CES5A: variants seen among roughly 807,000 people sequenced by gnomAD.
The protein encoded by CES5A is carboxylesterase 5A, also known as carboxylesterase 5.
CES5A carries 67 observed loss-of-function variants against 62.9 expected under a neutral mutation model. The ratio of observed to expected loss-of-function variants is 1.07; its 90% confidence interval spans 0.88 to 1.31. CES5A has a LOEUF of 1.31. CES5A is among the 50% of genes most tolerant of loss of function. The pLI, the probability that CES5A is intolerant of heterozygous loss-of-function variation, is 0.00. For synonymous variants in CES5A, 296 were observed against 280.8 expected, an observed-to-expected ratio of 1.05 and a Z score of -0.54; for missense variants, 748 against 708.5, an observed-to-expected ratio of 1.06 and a Z score of -0.63.
At chr16:55,888,540 T>C (rs2033840249) in intron 1 of CES5A, among the ~76,000 whole-genome samples, 1 of 152,220 alleles carries the variant, frequency 6.6e-6, no homozygotes, top group South Asian at 2.1e-4. Context: ...TCACTTTTCA[T>C]CCACTACCCT....
chr16:55,919,827 C>T (rs2034184114), intron 1 of CES5A, among the ~76,000 whole-genome samples: 1 of 152,200 alleles, frequency 6.6e-6, no homozygotes, highest in African/African-American at 2.4e-5. Context: ...CATTTGAGCT[C>T]CTTCTTTTTG....
At chr16:55,889,153 A>AT (rs2033847705) in intron 1 of CES5A, among the ~76,000 whole-genome samples, 1 of 151,748 alleles carries the variant, frequency 6.6e-6, no homozygotes, top group Non-Finnish European at 1.5e-5. Context: ...AAAAAAAGGT[A>AT]TTTTTTCCTC....
chr16:55,866,040 T>C lies in CES5A; in HGVS notation c.628A>G (p.Ile210Val), dbSNP rs545795532. 90 of 1,613,972 alleles carry C rather than the reference T, an allele frequency of 5.6e-5. No homozygotes were observed. The highest frequency in any genetic ancestry group is 6.8e-5 in the Non-Finnish European group (80 of 1,179,860). Residue 210 changes from isoleucine to valine, a missense_variant, in exon 5 of 13, where the codon ATC becomes GTC. Physicochemically the swap from Ile to Val is conservative, Grantham distance 29. Transcript: ENST00000290567. ...CTGGGGTCCCCACCGAAGAACTCGA[T>C]GTTCTTCTGGACCCAGGACAGAGCA... ...VAALSWVQKN[I>V]EFFGGDPSSV...
At position 55,866,696 on chromosome 16, in the gene CES5A, G is replaced by C. The variant is rs189442163; in HGVS notation, c.552-580C>G. Among the ~76,000 whole-genome samples the C allele has an allele frequency of 2.0e-3, 253 of 126,546 alleles. 1 individual carries two copies. The highest frequency in any genetic ancestry group is 6.3e-3 in the African/African-American group (243 of 38,470). 83.0% of individuals were successfully genotyped at this position (126,546 alleles called of 152,430 possible). A position where few individuals can be genotyped will look rare whatever the true frequency, so the allele number is the denominator to read the frequency against. On this transcript the variant is annotated intron_variant, in intron 4 of 12. Transcript: ENST00000290567. ...AAAAAAAATACAAAAAAATTAGCTG[G>C]ACACGGTGGCAGGCGCCTGTAGTCC... is the stretch of plus-strand genomic sequence containing the variant.
chr16:55,875,223 T>C lies in CES5A; in HGVS notation c.-2A>G. ...TGGGTGCACCCAATTCCCACTCATTTGGCTGCCTGCCTGCACTCTGTGAAC... is the reference window on the plus strand; with the variant it reads ...TGGGTGCACCCAATTCCCACTCATTCGGCTGCCTGCCTGCACTCTGTGAAC... On this transcript the variant is annotated 5_prime_UTR_variant, in exon 1 of 13. Transcript: ENST00000290567. The C allele has an allele frequency of 6.2e-7, 1 of 1,613,648 alleles. No individual in the cohort carries two copies. Among genetic ancestry groups the C allele is most frequent in the Non-Finnish European group, 8.5e-7 (1 of 1,179,800 alleles).
At chr16:55,884,640 G>A (rs2033796384) in intron 1 of CES5A, among the ~76,000 whole-genome samples, 1 of 151,980 alleles carries the variant, frequency 6.6e-6, no homozygotes, top group African/African-American at 2.4e-5. Flanking sequence ...TGCCCAGACT[G>A]GAGTGCAATA....
In CES5A at chr16:55,871,697, G is replaced by A. The variant is rs766399736; in HGVS notation, c.345C>T (p.Phe115=). Residue 115 remains phenylalanine, a synonymous_variant, in exon 3 of 13, where the codon TTC becomes TTT. Transcript: ENST00000290567. ...GGTAGAGGCAGTCTTCTGACACTCC[G>A]AATTTCGGGTAATGCACCTTGAGCA... ...QHMLKVHYPK[F]GVSEDCLYLN... 5.6e-6 allele frequency: 9 copies of A among 1,614,078 alleles called. No individual in the cohort carries two copies. Among genetic ancestry groups the A allele is most frequent in the Middle Eastern group, 1.6e-4 (1 of 6,062 alleles).
chr16:55,949,936 T>G, intron 1 of CES5A: 1 of 978,116 alleles, frequency 1.0e-6, no homozygotes, highest in East Asian at 2.7e-5. Flanking sequence ...ATAATAAACA[T>G]TGATGATAAC....
Position 55,859,571 on chromosome 16 carries a change from G to A in CES5A, c.1032C>T (p.His344=), listed in dbSNP as rs11860946. ...CCATAGGCAGCAGGAAGCCACACTCGTGGTTATTGACTCCGATGATGGAAG... is the reference window on the plus strand; with the variant it reads ...CCATAGGCAGCAGGAAGCCACACTCATGGTTATTGACTCCGATGATGGAAG... The part of the protein sequence containing the change: ...AIPSIIGVNN[H]ECGFLLPMKE... The change falls in exon 8 of 13, where the codon CAC becomes CAT. Residue 344 remains histidine, a synonymous_variant. Coordinates refer to ENST00000290567, the MANE Select transcript of CES5A (RefSeq NM_001143685.2). 4.0e-3 allele frequency: 6,525 copies of A among 1,613,296 alleles called. 206 individuals are homozygous for A. In the African/African-American group the frequency reaches 0.068, roughly 17 times the overall value.
intron 1 of CES5A, among the ~76,000 whole-genome samples, chr16:55,897,076 A>C (rs1297351729): frequency 2.7e-5 from 4 of 146,872 alleles, no homozygotes; most frequent in African/African-American, 1.0e-4. Context: ...CCCATCCTCT[A>C]CCTCAGGGCC....
upstream of CES5A, among the ~76,000 whole-genome samples, chr16:55,926,705 T>A (rs933085479): frequency 2.0e-5 from 3 of 152,222 alleles, no homozygotes; most frequent in Admixed American, 6.5e-5. Context: ...GTGAAGCTTT[T>A]CTGAGCATTT....
At chr16:55,924,732 AATG>A (rs1166553809) in intron 1 of CES5A, among the ~76,000 whole-genome samples, 2 of 152,026 alleles carry the variant, frequency 1.3e-5, no homozygotes, top group African/African-American at 4.8e-5. Context: ...CACATAGACC[AATG>A]AAACAGAGTA....
intron 2 of CES5A, among the ~76,000 whole-genome samples, chr16:55,947,053 G>A (rs900978010): frequency 1.3e-5 from 2 of 152,200 alleles, no homozygotes; most frequent in Admixed American, 6.5e-5. Context: ...GGCATGGGAA[G>A]GTTAAAATGG....
chr16:55,858,595 C>T (rs1221947817), intron 8 of CES5A, among the ~76,000 whole-genome samples: 2 of 152,216 alleles, frequency 1.3e-5, no homozygotes, highest in Non-Finnish European at 2.9e-5. Flanking sequence ...TTAATAATGG[C>T]AGAACATGCT....
chr16:55,872,632 T>G (rs1241777443), intron 2 of CES5A, among the ~76,000 whole-genome samples: 1 of 152,228 alleles, frequency 6.6e-6, no homozygotes, highest in African/African-American at 2.4e-5. Context: ...AATAGAATAG[T>G]GTGCAATATT....
Position 55,949,175 on chromosome 16 carries a change from C to T in CES5A, c.160+610G>A, listed in dbSNP as rs574159411. Among the ~76,000 whole-genome samples the T allele has an allele frequency of 2.6e-5, 4 of 152,288 alleles. No homozygotes were observed. In the South Asian group the frequency reaches 8.3e-4, roughly 32 times the overall value. On this transcript the variant is annotated intron_variant, in intron 2 of 13. Coordinates refer to the CES5A transcript ENST00000521992. The stretch of plus-strand genomic sequence containing the variant: ...AGACCCTGAGATGAAGTTTAGCAGG[C>T]ATGAGGTTTATTAGGGTGTTGATCT...
At chr16:55,854,693 G>A (rs1805690046) in intron 9 of CES5A, among the ~76,000 whole-genome samples, 1 of 150,228 alleles carries the variant, frequency 6.7e-6, no homozygotes, top group African/African-American at 2.5e-5. Context: ...CACCAGGCCT[G>A]GCTAATTTTT....
chr16:55,876,316 T>C (rs2033692990), upstream of CES5A, among the ~76,000 whole-genome samples: 1 of 152,226 alleles, frequency 6.6e-6, no homozygotes, highest in Admixed American at 6.5e-5. Flanking sequence ...TGTATCTACC[T>C]AGTGCAATAA....
chr16:55,922,426 A>G (rs1044979813), intron 1 of CES5A, among the ~76,000 whole-genome samples: 1 of 151,956 alleles, frequency 6.6e-6, no homozygotes, highest in African/African-American at 2.4e-5. Context: ...ACTACAAATC[A>G]AAGGCTGTGA....
Sources: allele counts gnomAD v4.1 joint callset (sites outside exome capture counted in the v4.1 genomes callset), GRCh38; gene constraint gnomAD v4.1.1; transcripts MANE v1.5; gene names NCBI Gene and HGNC (gene_info 2026-07-23, HGNC 2026-07-21).